Variants in VAV2 observed in about 807,000 individuals in gnomAD.
VAV2 encodes the protein guanine nucleotide exchange factor VAV2.
Under a neutral mutation model 132.5 loss-of-function variants are expected in VAV2, and 67 were observed. That is an observed-to-expected ratio of 0.51 (90% CI 0.42 to 0.62). The LOEUF (loss-of-function observed/expected upper bound fraction) is 0.62. Among genes scored for constraint, VAV2 ranks in the 20% least tolerant of loss-of-function variants. The probability of loss-of-function intolerance (pLI) is 0.00; values close to 1 mark genes in which losing one functional copy is unlikely to be tolerated. For synonymous variants in VAV2, 492 were observed against 443.5 expected (o/e 1.11, Z -1.37); for missense variants, 938 against 1,153.6 (o/e 0.81, Z 2.71).
At chr9:133,921,751 G>C (rs1382565343) in intron 2 of VAV2, among the ~76,000 whole-genome samples, 1 of 152,252 alleles carries the variant, frequency 6.6e-6, no homozygotes, top group Non-Finnish European at 1.5e-5. Context: ...AGTGTGGAGG[G>C]GCTCGGCCAC....
In VAV2 at chr9:133,879,529, A is replaced by C. The variant is rs1838402253; in HGVS notation, c.322-18097T>G. ...AGCCTCCTATAAGAAGGCATCGATCAGTAGGTGGCCCCGGGGCACTGCCAC... is the reference window on the plus strand; with the variant it reads ...AGCCTCCTATAAGAAGGCATCGATCCGTAGGTGGCCCCGGGGCACTGCCAC... On this transcript the variant is annotated intron_variant, in intron 2 of 29. Coordinates refer to ENST00000371850, the MANE Select transcript of VAV2 (RefSeq NM_001134398.2). This position sits in a 1 kb window ranked among gnomAD's most constrained non-coding sequence, Gnocchi z 4.4. 6.6e-6 allele frequency among the ~76,000 whole-genome samples: 1 copy of C among 152,168 alleles called. No individual in the cohort carries two copies. Among genetic ancestry groups the C allele is most frequent in the South Asian group, 2.1e-4 (1 of 4,822 alleles).
intron 1 of VAV2, among the ~76,000 whole-genome samples, chr9:133,970,378 G>A (rs1842290002): frequency 6.6e-6 from 1 of 152,206 alleles, no homozygotes; most frequent in African/African-American, 2.4e-5. Flanking sequence ...ACCACGTTCG[G>A]TGCTTGCTGG....
At chr9:133,815,720 C>T (rs754357300) in intron 4 of VAV2, among the ~76,000 whole-genome samples, 1 of 152,104 alleles carries the variant, frequency 6.6e-6, no homozygotes, top group Non-Finnish European at 1.5e-5. Flanking sequence ...TTTGGGTTGC[C>T]TCCAAGTTGT....
At chr9:133,772,192 C>T in intron 25 of VAV2, 146 bp from the exon 26 acceptor site, 2 of 694,242 alleles carry the variant, frequency 2.9e-6, no homozygotes, top group Admixed American at 2.6e-5. Context: ...CTGTCCTACC[C>T]CAGCCCTTCG....
chr9:133,810,567 G>T (rs1456877869), intron 5 of VAV2, among the ~76,000 whole-genome samples: 1 of 152,170 alleles, frequency 6.6e-6, no homozygotes, highest in East Asian at 1.9e-4. Flanking sequence ...AGCAGGAACT[G>T]CCCCTTGCCC....
At chr9:133,887,899 C>T (rs774678076) in intron 2 of VAV2, among the ~76,000 whole-genome samples, 3 of 152,152 alleles carry the variant, frequency 2.0e-5, no homozygotes, top group East Asian at 1.9e-4. Context: ...AAAGACGAGG[C>T]GCATTCACAG....
In VAV2 at chr9:133,991,450, G is replaced by A. The variant is rs1467050608; in HGVS notation, c.204+625C>T. On this transcript the variant is annotated intron_variant, in intron 1 of 29. Coordinates refer to ENST00000371850, the MANE Select transcript of VAV2 (RefSeq NM_001134398.2). The surrounding 1 kb of genome is among the most constrained non-coding windows in gnomAD (Gnocchi z 4.8). The stretch of plus-strand genomic sequence containing the variant: ...ATGGGGGCCAGGACTGGGGCCAAGT[G>A]GCCCTGGGGATCCTCGAGGCGGCTC... 2.0e-5 allele frequency among the ~76,000 whole-genome samples: 3 copies of A among 150,594 alleles called. No homozygotes were observed. The highest frequency in any genetic ancestry group is 1.9e-4 in the East Asian group (1 of 5,184).
chr9:133,964,193 A>T (rs1842073669), intron 1 of VAV2, among the ~76,000 whole-genome samples: 1 of 150,892 alleles, frequency 6.6e-6, no homozygotes, highest in Non-Finnish European at 1.5e-5. Context: ...CCCTGTCTCT[A>T]CAAAACATAC....
chr9:133,787,157 C>A (rs1588172994), intron 16 of VAV2, 89 bp downstream of exon 16: 15 of 1,395,426 alleles, frequency 1.1e-5, no homozygotes, highest in East Asian at 7.8e-5. Flanking sequence ...GCCCCTCAGG[C>A]CCCTGGGTCC....
In VAV2 at chr9:133,795,747, G is replaced by A. The variant is rs376149541; in HGVS notation, c.1033-11C>T. ...ATGGCTCAGAAGCTCCTGGAAGGGTGAGAAGAGTGTCATGTGTTACCACTC... is the reference window on the plus strand; with the variant it reads ...ATGGCTCAGAAGCTCCTGGAAGGGTAAGAAGAGTGTCATGTGTTACCACTC... On this transcript the variant is annotated splice_polypyrimidine_tract_variant and intron_variant, in intron 11 of 29. Transcript: ENST00000371850. The A allele has an allele frequency of 2.5e-6, 4 of 1,613,268 alleles. No individual in the cohort carries two copies. In the African/African-American group the frequency reaches 5.3e-5, roughly 22 times the overall value.
At chr9:133,956,767 T>C (rs570917669) in intron 1 of VAV2, among the ~76,000 whole-genome samples, 1 of 152,172 alleles carries the variant, frequency 6.6e-6, no homozygotes, top group Non-Finnish European at 1.5e-5. Context: ...AGGTCAGGAA[T>C]GCTGCAGCTG....
intron 22 of VAV2, 127 bp downstream of exon 22, chr9:133,778,635 T>C: frequency 1.4e-6 from 2 of 1,397,258 alleles, no homozygotes; most frequent in Non-Finnish European, 1.9e-6. Context: ...CTGTGCCTCC[T>C]CCTCCCTGGT....
intron 3 of VAV2, among the ~76,000 whole-genome samples, chr9:133,858,793 G>A (rs1483075012): frequency 6.6e-6 from 1 of 152,212 alleles, no homozygotes; most frequent in Non-Finnish European, 1.5e-5. Context: ...TCAGAGCTGG[G>A]TCCACCGACA....
rs1836002862 is a variant in VAV2 at position 133,826,731 on chromosome 9, G to A, written c.449+7541C>T. On this transcript the variant is annotated intron_variant, in intron 4 of 29. Coordinates refer to ENST00000371850, the MANE Select transcript of VAV2 (RefSeq NM_001134398.2). The surrounding 1 kb of genome is among the most constrained non-coding windows in gnomAD (Gnocchi z 4.2). ...TTTGGCCTCTCTTCTGCCCTGAGTG[G>A]GAGCTTTCAAATTTCTCCCGTGTCC... is the stretch of plus-strand genomic sequence containing the variant. Among the ~76,000 whole-genome samples, 1 of 152,106 alleles carries A rather than the reference G, an allele frequency of 6.6e-6. No homozygotes were observed. Among genetic ancestry groups the A allele is most frequent in the Non-Finnish European group, 1.5e-5 (1 of 68,022 alleles).
rs187157590 is a variant in VAV2, at chr9:133,798,117, C to A, written c.837-308G>T. On this transcript the variant is annotated intron_variant, in intron 9 of 29. Coordinates refer to ENST00000371850, the MANE Select transcript of VAV2 (RefSeq NM_001134398.2). ...TGGAGCTCTCAACCTCCCATCCCAC[C>A]CCCAAAAAGGGCCAACACTGGAGGA... is the stretch of plus-strand genomic sequence containing the variant. Among the ~76,000 whole-genome samples the A allele has an allele frequency of 4.0e-3, 611 of 152,230 alleles. 1 individual carries two copies. The highest frequency in any genetic ancestry group is 0.013 in the African/African-American group (552 of 41,538).
rs1205114479 is a variant in VAV2 at position 133,840,048 on chromosome 9, G to T, written c.381-5708C>A. 3.9e-5 allele frequency among the ~76,000 whole-genome samples: 6 copies of T among 151,906 alleles called. No homozygotes were observed. Among genetic ancestry groups the T allele is most frequent in the Admixed American group, 2.6e-4 (4 of 15,256 alleles). On this transcript the variant is annotated intron_variant, in intron 3 of 29. Coordinates refer to ENST00000371850, the MANE Select transcript of VAV2 (RefSeq NM_001134398.2). The surrounding 1 kb of genome is among the most constrained non-coding windows in gnomAD (Gnocchi z 4.5). The stretch of plus-strand genomic sequence containing the variant: ...ATTTTCCTTCCCGCACTTACCCCTA[G>T]CGTCCCCTACCCACACCTTGCCCTG...
chr9:133,817,573 A>G (rs1288780537), intron 4 of VAV2, among the ~76,000 whole-genome samples: 2 of 152,116 alleles, frequency 1.3e-5, no homozygotes, highest in Admixed American at 1.3e-4. Context: ...GCACCACTGC[A>G]CTCCAGCCTG....
intron 14 of VAV2, 80 bp downstream of exon 14, chr9:133,789,178 C>G: frequency 6.7e-7 from 1 of 1,491,904 alleles, no homozygotes; most frequent in African/African-American, 1.4e-5. Flanking sequence ...GCTTCCAGAG[C>G]CACTTAGGAG....
chr9:133,889,895 C>T (rs1181894303), intron 2 of VAV2, among the ~76,000 whole-genome samples: 1 of 152,212 alleles, frequency 6.6e-6, no homozygotes, highest in Admixed American at 6.5e-5. Flanking sequence ...AAAAAGAACT[C>T]CAGGCTGGAA....
Sources: allele counts gnomAD v4.1 joint callset (sites outside exome capture counted in the v4.1 genomes callset), GRCh38; gene constraint gnomAD v4.1.1; non-coding constraint Gnocchi (gnomAD v3.1); transcripts MANE v1.5; gene names NCBI Gene and HGNC (gene_info 2026-07-23, HGNC 2026-07-21).